The following DLG2 variants were observed in gnomAD, a reference collection of about 807,000 sequenced individuals.
DLG2 encodes the protein discs large MAGUK scaffold protein 2, also known as disks large homolog 2.
In DLG2, 45 loss-of-function variants were observed where a neutral mutation model predicts 132.5. The observed-to-expected ratio is 0.34, with a 90% CI of 0.27 to 0.44. DLG2 has a LOEUF of 0.44. Ranked by LOEUF, DLG2 falls within the 20% of genes least tolerant of loss-of-function variation. DLG2 has a pLI of 1.00. For missense variants in DLG2, 1,045 were observed against 1,196.9 expected (o/e 0.87, Z 1.87); for synonymous variants, 424 against 419.6 (o/e 1.01, Z -0.13).
intron 7 of DLG2, among the ~76,000 whole-genome samples, chr11:84,456,775 A>C (rs1264495694): frequency 2.0e-5 from 3 of 151,134 alleles, no homozygotes; most frequent in Non-Finnish European, 4.4e-5. Context: ...TCCCATCCTC[A>C]CTAGAATGCA....
chr11:83,895,663 T>G (rs1355998922), intron 15 of DLG2, among the ~76,000 whole-genome samples: 2 of 152,212 alleles, frequency 1.3e-5, no homozygotes, highest in Non-Finnish European at 2.9e-5. Flanking sequence ...TCCCTGCTAT[T>G]GTTCTTTACC....
At chr11:85,025,382 G>C (rs942349209) in intron 6 of DLG2, among the ~76,000 whole-genome samples, 4 of 152,120 alleles carry the variant, frequency 2.6e-5, no homozygotes, top group African/African-American at 4.8e-5. Flanking sequence ...GACTTTCCTC[G>C]ATGAAATGTT....
intron 21 of DLG2, among the ~76,000 whole-genome samples, chr11:83,492,030 A>T (rs1246687613): frequency 6.6e-6 from 1 of 152,092 alleles, no homozygotes; most frequent in Non-Finnish European, 1.5e-5. Context: ...GGTACTACCT[A>T]TGACTAGTGC....
chr11:84,694,395 T>C (rs904848212), intron 6 of DLG2, among the ~76,000 whole-genome samples: 1 of 151,670 alleles, frequency 6.6e-6, no homozygotes, highest in African/African-American at 2.4e-5. Flanking sequence ...CTAATATTTG[T>C]AAGAAAACTA....
At chr11:83,851,989 G>C (rs1857525194) in intron 16 of DLG2, among the ~76,000 whole-genome samples, 1 of 151,956 alleles carries the variant, frequency 6.6e-6, no homozygotes, top group Non-Finnish European at 1.5e-5. Context: ...TAAGAAGATG[G>C]AGGCCAGTGT....
chr11:84,650,881 A>ACATACATATATATATACATATATAC (rs1555136012), intron 6 of DLG2, among the ~76,000 whole-genome samples: 17,755 of 125,486 alleles, frequency 0.14, 1,362 homozygotes, highest in South Asian at 0.3. Flanking sequence ...GTGTATATAT[A>ACATACATATATATATACATATATAC]TATATATATA....
chr11:85,504,959 ATT>A, intron 3 of DLG2, among the ~76,000 whole-genome samples: 1 of 152,100 alleles, frequency 6.6e-6, no homozygotes, highest in Non-Finnish European at 1.5e-5. Context: ...TAGGTATTTT[ATT>A]CTCTTTGAAG....
rs554576977 is a variant in DLG2, at chr11:84,668,607, C to A, written c.358-133876G>T. On this transcript the variant is annotated intron_variant, in intron 6 of 27. Coordinates refer to ENST00000376104, the MANE Select transcript of DLG2 (RefSeq NM_001142699.3). Reference sequence around the variant, plus strand: ...TTGAACGCTTGGATGGCATAAAAATCAGCATTCTAAGAAAAAACACAAACA... The same window carrying A: ...TTGAACGCTTGGATGGCATAAAAATAAGCATTCTAAGAAAAAACACAAACA... 3.9e-5 allele frequency among the ~76,000 whole-genome samples: 6 copies of A among 152,200 alleles called. No individual in the cohort carries two copies. The East Asian group carries it at 1.2e-3, about 30-fold the overall frequency.
chr11:85,254,304 A>T (rs1048837560), intron 4 of DLG2, among the ~76,000 whole-genome samples: 1 of 152,258 alleles, frequency 6.6e-6, no homozygotes, highest in South Asian at 2.1e-4. Context: ...AGACATCTAC[A>T]ATCTATTACA....
chr11:85,059,983 T>A (rs1169634332), intron 6 of DLG2, among the ~76,000 whole-genome samples: 2 of 151,482 alleles, frequency 1.3e-5, no homozygotes, highest in African/African-American at 4.8e-5. Context: ...CCTCTTAAAT[T>A]TTTAAGTGTA....
At chr11:84,533,374 T>A (rs2099347432) in intron 7 of DLG2, among the ~76,000 whole-genome samples, 1 of 152,176 alleles carries the variant, frequency 6.6e-6, no homozygotes, top group South Asian at 2.1e-4. Flanking sequence ...TTTCCACCAG[T>A]CATCCAAATA....
At chr11:85,458,777 G>A (rs2092505645) in intron 3 of DLG2, among the ~76,000 whole-genome samples, 1 of 152,180 alleles carries the variant, frequency 6.6e-6, no homozygotes, top group Admixed American at 6.5e-5. Flanking sequence ...CAACAGTGTG[G>A]CTCCTCTTTA....
chr11:85,530,084 C>A (rs1052941258), intron 3 of DLG2, among the ~76,000 whole-genome samples: 27 of 150,486 alleles, frequency 1.8e-4, no homozygotes, highest in Admixed American at 4.6e-4. Flanking sequence ...ACAACCTCCA[C>A]CTCATGGGTT....
intron 6 of DLG2, among the ~76,000 whole-genome samples, chr11:85,031,139 C>CT (rs1566690502): frequency 6.6e-6 from 1 of 151,816 alleles, no homozygotes; most frequent in Non-Finnish European, 1.5e-5. Context: ...ATGGCTAAGG[C>CT]TTTTTGTTTC....
At chr11:84,017,851 A>G (rs1335668830) in intron 11 of DLG2, among the ~76,000 whole-genome samples, 1 of 152,042 alleles carries the variant, frequency 6.6e-6, no homozygotes, top group African/African-American at 2.4e-5. Context: ...TTTCCATATT[A>G]TCTTTCAGCT....
At position 83,587,258 on chromosome 11, in the gene DLG2, T is replaced by G. The variant is rs538558230; in HGVS notation, c.1941-45400A>C. Among the ~76,000 whole-genome samples the G allele has an allele frequency of 3.4e-4, 51 of 152,060 alleles. 2 individuals are homozygous for G. Among genetic ancestry groups the G allele is most frequent in the African/African-American group, 1.2e-3 (50 of 41,442 alleles). On this transcript the variant is annotated intron_variant, in intron 19 of 27. Transcript: ENST00000376104. ...CAGCTCCAGTTTCTCCCATCTAACA[T>G]TGAATTTGCTACTTTTTTTTTTTTT...
intron 10 of DLG2, among the ~76,000 whole-genome samples, chr11:84,079,901 C>T (rs894867699): frequency 3.3e-5 from 5 of 152,196 alleles, no homozygotes; most frequent in African/African-American, 1.2e-4. Flanking sequence ...ACTCCTCCAG[C>T]TCCATTCACT....
At chr11:83,679,293 GACA>G (rs1474967407) in intron 18 of DLG2, among the ~76,000 whole-genome samples, 3 of 152,124 alleles carry the variant, frequency 2.0e-5, no homozygotes, top group Admixed American at 2.0e-4. Flanking sequence ...CAGTGCCTGG[GACA>G]TCATAAACTA....
At chr11:84,864,288 G>T (rs1156811673) in intron 6 of DLG2, among the ~76,000 whole-genome samples, 3 of 152,094 alleles carry the variant, frequency 2.0e-5, no homozygotes, top group Non-Finnish European at 2.9e-5. Context: ...TCAGATACTT[G>T]CAAAGAAGCC....
Sources: allele counts gnomAD v4.1 joint callset (sites outside exome capture counted in the v4.1 genomes callset), GRCh38; gene constraint gnomAD v4.1.1; transcripts MANE v1.5; gene names NCBI Gene and HGNC (gene_info 2026-07-23, HGNC 2026-07-21).